RFX3: variants seen among roughly 807,000 people sequenced by gnomAD.
RFX3 encodes the protein transcription factor RFX3.
Under a neutral mutation model 98.6 loss-of-function variants are expected in RFX3, and 14 were observed. The ratio of observed to expected loss-of-function variants is 0.14; its 90% CI spans 0.09 to 0.22. RFX3 has a LOEUF of 0.22. Among genes scored for constraint, RFX3 ranks in the 10% least tolerant of loss-of-function variants. The pLI, the probability that RFX3 is intolerant of heterozygous loss-of-function variation, is 1.00. For missense variants in RFX3, 639 were observed against 926.9 expected, an observed-to-expected ratio of 0.69 and a Z score of 4.03; for synonymous variants, 383 against 328.4, an observed-to-expected ratio of 1.17 and a Z score of -1.80.
At chr9:3,492,348 A>C (rs779335451) in intron 1 of RFX3, among the ~76,000 whole-genome samples, 1 of 152,240 alleles carries the variant, frequency 6.6e-6, no homozygotes, top group African/African-American at 2.4e-5. Flanking sequence ...CTTCCAGCAC[A>C]ACCGTGAGAC....
chr9:3,242,056 T>C (rs1308303183), intron 15 of RFX3, among the ~76,000 whole-genome samples: 1 of 152,188 alleles, frequency 6.6e-6, no homozygotes, highest in Non-Finnish European at 1.5e-5. Flanking sequence ...TAATAATTTA[T>C]ATGGTGAAAA....
chr9:3,394,514 T>C (rs1023190350), intron 2 of RFX3, among the ~76,000 whole-genome samples: 1 of 152,124 alleles, frequency 6.6e-6, no homozygotes, highest in Admixed American at 6.5e-5. Flanking sequence ...TCTTTACTTA[T>C]CCTAAAAGCC....
At chr9:3,411,848 T>C (rs190258013) in intron 1 of RFX3, among the ~76,000 whole-genome samples, 1 of 152,008 alleles carries the variant, frequency 6.6e-6, no homozygotes, top group African/African-American at 2.4e-5. Context: ...GTCAGCCCCA[T>C]AGTCAAACAC....
intron 15 of RFX3, among the ~76,000 whole-genome samples, chr9:3,233,590 G>A (rs975452437): frequency 1.3e-5 from 2 of 152,190 alleles, no homozygotes; most frequent in Admixed American, 6.5e-5. Context: ...AAAGAGCTCA[G>A]GGGATTGGGA....
intron 2 of RFX3, among the ~76,000 whole-genome samples, chr9:3,357,470 T>C (rs1178206493): frequency 6.6e-6 from 1 of 152,038 alleles, no homozygotes; most frequent in Non-Finnish European, 1.5e-5. Flanking sequence ...TTAGAACATA[T>C]TTTGAATTTA....
At chr9:3,524,827 G>GCACACACACA (rs34119220) in intron 1 of RFX3, among the ~76,000 whole-genome samples, 10 of 128,132 alleles carry the variant, frequency 7.8e-5, no homozygotes, top group Non-Finnish European at 9.8e-5. Flanking sequence ...TAAATCACAA[G>GCACACACACA]CACACACACA....
intron 3 of RFX3, among the ~76,000 whole-genome samples, chr9:3,335,578 G>A (rs1456695004): frequency 6.6e-6 from 1 of 152,044 alleles, no homozygotes; most frequent in Non-Finnish European, 1.5e-5. Context: ...AAATCCCCAA[G>A]CAATTCTGTG....
intron 13 of RFX3, among the ~76,000 whole-genome samples, chr9:3,262,567 G>A (rs1022038083): frequency 6.6e-6 from 1 of 152,120 alleles, no homozygotes; most frequent in African/African-American, 2.4e-5. Flanking sequence ...TTGTAAGGTG[G>A]GGAAAGTGAA....
chr9:3,466,582 G>A (rs745668641), intron 1 of RFX3, among the ~76,000 whole-genome samples: 2 of 152,050 alleles, frequency 1.3e-5, no homozygotes, highest in Non-Finnish European at 2.9e-5. Context: ...TAATAATCTA[G>A]GAATTGGTGG....
chr9:3,442,589 T>C (rs1336050146), intron 1 of RFX3, among the ~76,000 whole-genome samples: 2 of 152,158 alleles, frequency 1.3e-5, no homozygotes, highest in African/African-American at 2.4e-5. Flanking sequence ...GTATAGCCAA[T>C]AGTAATATAC....
intron 2 of RFX3, among the ~76,000 whole-genome samples, chr9:3,389,101 A>T (rs1173557842): frequency 6.6e-6 from 1 of 152,136 alleles, no homozygotes; most frequent in Non-Finnish European, 1.5e-5. Context: ...CCAAGATTAT[A>T]ATAAAGAATG....
intron 2 of RFX3, among the ~76,000 whole-genome samples, chr9:3,348,952 C>G (rs894352638): frequency 6.6e-5 from 10 of 152,200 alleles, no homozygotes; most frequent in East Asian, 3.9e-4. Context: ...CAAAAAAGCC[C>G]TGGCTCTTCT....
intron 14 of RFX3, among the ~76,000 whole-genome samples, chr9:3,248,578 T>G (rs1162317906): frequency 2.6e-5 from 4 of 152,172 alleles, no homozygotes; most frequent in African/African-American, 9.6e-5. Context: ...TGGCAGTCTG[T>G]CCCCTCTCAG....
At chr9:3,505,259 T>C (rs1260478523) in intron 1 of RFX3, among the ~76,000 whole-genome samples, 1 of 76,640 alleles carries the variant, frequency 1.3e-5, no homozygotes, top group Non-Finnish European at 1.9e-5. Context: ...TATGAATATA[T>C]ATTTATATAT....
chr9:3,401,529 G>T (rs1841470438), intron 1 of RFX3, among the ~76,000 whole-genome samples: 1 of 152,176 alleles, frequency 6.6e-6, no homozygotes, highest in Admixed American at 6.5e-5. Flanking sequence ...CTTCTTTCAA[G>T]TGATATTTGT....
At chr9:3,327,042 G>A (rs1410523611) in intron 4 of RFX3, among the ~76,000 whole-genome samples, 1 of 152,016 alleles carries the variant, frequency 6.6e-6, no homozygotes, top group Non-Finnish European at 1.5e-5. Flanking sequence ...GAACTTATAT[G>A]GTACAGATAG....
At chr9:3,495,175 GA>G (rs572171964) in intron 1 of RFX3, among the ~76,000 whole-genome samples, 36 of 151,078 alleles carry the variant, frequency 2.4e-4, no homozygotes, top group African/African-American at 7.8e-4. Flanking sequence ...GAATATCAAG[GA>G]AAAAAAGATA....
At chr9:3,320,656 G>C (rs1045983636) in intron 4 of RFX3, among the ~76,000 whole-genome samples, 1 of 125,362 alleles carries the variant, frequency 8.0e-6, no homozygotes, top group East Asian at 2.1e-4. Flanking sequence ...CTGCTTTTTC[G>C]CTCAACATGG....
chr9:3,366,372 C>T (rs923085631), intron 2 of RFX3, among the ~76,000 whole-genome samples: 11 of 152,294 alleles, frequency 7.2e-5, no homozygotes, highest in African/African-American at 2.6e-4. Context: ...TGCGTGTATA[C>T]GTGTGTGTCT....
Sources: gnomAD v4.1 joint callset for allele counts (sites outside exome capture counted in the v4.1 genomes callset) on GRCh38, gnomAD v4.1.1 for gene constraint, MANE v1.5 for transcripts, NCBI Gene and HGNC (gene_info 2026-07-23, HGNC 2026-07-21) for gene names.